Variants in LRMDA observed in about 807,000 individuals in gnomAD.
LRMDA encodes the protein leucine rich melanocyte differentiation associated.
In LRMDA, 18 loss-of-function variants were observed where a neutral mutation model predicts 29.8. That is an observed-to-expected ratio of 0.60 (90% confidence interval 0.42 to 0.90). The LOEUF (loss-of-function observed/expected upper bound fraction) is 0.90, where lower values mean the gene tolerates loss of function less well. LRMDA is among the 40% of genes least tolerant of loss of function. The pLI, the probability that LRMDA is intolerant of heterozygous loss-of-function variation, is 0.00. For synonymous variants in LRMDA, 125 were observed against 109.4 expected (o/e 1.14, Z -0.89); for missense variants, 273 against 273.9 (o/e 1.00, Z 0.02).
At chr10:76,216,217 A>G (rs1261892814) in intron 5 of LRMDA, among the ~76,000 whole-genome samples, 2 of 152,302 alleles carry the variant, frequency 1.3e-5, no homozygotes, top group Middle Eastern at 3.4e-3. Flanking sequence ...ATAGCTGGAC[A>G]TGGTGGCATG....
intron 2 of LRMDA, among the ~76,000 whole-genome samples, chr10:75,661,098 A>T (rs1042052223): frequency 7.9e-4 from 120 of 152,278 alleles, no homozygotes; most frequent in African/African-American, 2.8e-3. Context: ...GCCAGCAGCC[A>T]GGCGGATCTT....
At chr10:76,320,153 T>C (rs1589426113) in intron 5 of LRMDA, among the ~76,000 whole-genome samples, 1 of 152,258 alleles carries the variant, frequency 6.6e-6, no homozygotes, top group Non-Finnish European at 1.5e-5. Context: ...TGTATGTGCA[T>C]TGAATCTTTT....
At chr10:76,441,143 T>C (rs1318050053) in intron 6 of LRMDA, among the ~76,000 whole-genome samples, 8 of 152,150 alleles carry the variant, frequency 5.3e-5, no homozygotes, top group Non-Finnish European at 1.0e-4. Flanking sequence ...AGTGATATTG[T>C]AGGGTGACTC....
intron 5 of LRMDA, among the ~76,000 whole-genome samples, chr10:76,201,412 A>G (rs1373575472): frequency 1.3e-5 from 2 of 152,200 alleles, no homozygotes; most frequent in African/African-American, 4.8e-5. Flanking sequence ...TTATTATTGA[A>G]GAAAGATACA....
At chr10:76,422,516 C>T (rs1011640450) in intron 6 of LRMDA, among the ~76,000 whole-genome samples, 20 of 152,084 alleles carry the variant, frequency 1.3e-4, no homozygotes, top group African/African-American at 4.6e-4. Flanking sequence ...AACCCAGCCC[C>T]GCCATGCTCT....
chr10:76,113,217 T>C (rs369791976), intron 5 of LRMDA, among the ~76,000 whole-genome samples: 42 of 152,016 alleles, frequency 2.8e-4, no homozygotes, highest in Admixed American at 3.9e-4. Context: ...CTAGTAGGCG[T>C]TGAAATATTC....
At chr10:76,430,983 G>A (rs1842184624) in intron 6 of LRMDA, among the ~76,000 whole-genome samples, 2 of 152,144 alleles carry the variant, frequency 1.3e-5, no homozygotes, top group African/African-American at 4.8e-5. Context: ...AGACTTCAGG[G>A]ACACTAGGAA....
intron 5 of LRMDA, among the ~76,000 whole-genome samples, chr10:76,179,815 G>A (rs149696069): frequency 6.6e-6 from 1 of 152,278 alleles, no homozygotes; most frequent in Non-Finnish European, 1.5e-5. Context: ...TCAAAAAAGA[G>A]GACATGTTCA....
intron 2 of LRMDA, among the ~76,000 whole-genome samples, chr10:75,643,740 C>G (rs1421145351): frequency 6.6e-6 from 1 of 152,052 alleles, no homozygotes; most frequent in Admixed American, 6.5e-5. Context: ...AATTAAAATC[C>G]AATTTTCTTT....
At chr10:76,193,162 T>C (rs1461367442) in intron 5 of LRMDA, among the ~76,000 whole-genome samples, 2 of 152,146 alleles carry the variant, frequency 1.3e-5, no homozygotes, top group Admixed American at 1.3e-4. Flanking sequence ...TTGCTGTTCC[T>C]GCAAAGTCAG....
At chr10:76,405,809 C>T (rs920361657) in intron 6 of LRMDA, among the ~76,000 whole-genome samples, 4 of 152,250 alleles carry the variant, frequency 2.6e-5, no homozygotes, top group East Asian at 3.9e-4. Flanking sequence ...CTCCTCAGCC[C>T]CCGTGCGTTC....
intron 2 of LRMDA, among the ~76,000 whole-genome samples, chr10:75,857,133 G>A (rs936886585): frequency 7.9e-5 from 12 of 152,322 alleles, no homozygotes; most frequent in African/African-American, 2.6e-4. Flanking sequence ...AATAAATGGG[G>A]ATCGATCATT....
At chr10:75,435,787 T>C (rs769147986) in intron 1 of LRMDA, among the ~76,000 whole-genome samples, 2 of 152,126 alleles carry the variant, frequency 1.3e-5, no homozygotes, top group Non-Finnish European at 2.9e-5. Flanking sequence ...CAAATATCCC[T>C]CTCTTTTCCC....
intron 3 of LRMDA, among the ~76,000 whole-genome samples, chr10:76,041,483 G>A (rs1384414589): frequency 6.6e-6 from 1 of 152,160 alleles, no homozygotes; most frequent in East Asian, 1.9e-4. Flanking sequence ...TAAAAATGAG[G>A]TATGTCATTA....
At chr10:76,513,935 T>A (rs1026539295) in intron 6 of LRMDA, among the ~76,000 whole-genome samples, 5 of 152,184 alleles carry the variant, frequency 3.3e-5, no homozygotes, top group African/African-American at 1.2e-4. Context: ...CTTATCAGTA[T>A]CAGTCTTTTC....
chr10:75,501,812 C>G (rs1410893840), intron 2 of LRMDA, among the ~76,000 whole-genome samples: 1 of 152,102 alleles, frequency 6.6e-6, no homozygotes, highest in Non-Finnish European at 1.5e-5. Flanking sequence ...TGATCCAAGT[C>G]TATTTATTGC....
At chr10:75,479,109 C>A (rs768494453) in intron 2 of LRMDA, among the ~76,000 whole-genome samples, 3 of 152,182 alleles carry the variant, frequency 2.0e-5, no homozygotes, top group Non-Finnish European at 4.4e-5. Context: ...ATGTTCCTGC[C>A]TTCACAGAGC....
At chr10:76,492,828 C>T (rs1377728439) in intron 6 of LRMDA, among the ~76,000 whole-genome samples, 1 of 152,006 alleles carries the variant, frequency 6.6e-6, no homozygotes, top group Non-Finnish European at 1.5e-5. Context: ...AACTAATTCA[C>T]TATCATGAGA....
At chr10:76,382,949 C>A (rs546451327) in intron 6 of LRMDA, among the ~76,000 whole-genome samples, 3 of 152,298 alleles carry the variant, frequency 2.0e-5, no homozygotes, top group South Asian at 4.1e-4. Context: ...TTTGTAAGTG[C>A]CTTTTTCCCA....
Sources: gnomAD v4.1 joint callset for allele counts (sites outside exome capture counted in the v4.1 genomes callset) on GRCh38, gnomAD v4.1.1 for gene constraint, MANE v1.5 for transcripts, NCBI Gene and HGNC (gene_info 2026-07-23, HGNC 2026-07-21) for gene names.